The following EFCAB11 variants were observed in gnomAD, a reference collection of about 807,000 sequenced individuals.
EFCAB11 encodes the protein EF-hand calcium-binding domain-containing protein 11.
EFCAB11 carries 14 observed loss-of-function variants against 23.0 expected under a neutral mutation model. That is an observed-to-expected ratio of 0.61 (90% confidence interval 0.40 to 0.95). The LOEUF is 0.95. Ranked by LOEUF, EFCAB11 falls within the 40% of genes least tolerant of loss-of-function variation. The pLI, the probability that EFCAB11 is intolerant of heterozygous loss-of-function variation, is 0.00. For synonymous variants in EFCAB11, 65 were observed against 66.6 expected (o/e 0.98, Z 0.11); for missense variants, 198 against 195.8 (o/e 1.01, Z -0.07).
chr14:89,911,921 C>G (rs1889692562), intron 5 of EFCAB11, among the ~76,000 whole-genome samples: 2 of 152,202 alleles, frequency 1.3e-5, no homozygotes, highest in African/African-American at 2.4e-5. Context: ...CCTGTTAAGC[C>G]TCCTAACAAC....
At chr14:89,913,928 C>T (rs930950992) in intron 5 of EFCAB11, among the ~76,000 whole-genome samples, 1 of 152,194 alleles carries the variant, frequency 6.6e-6, no homozygotes, top group Non-Finnish European at 1.5e-5. Context: ...CTCTCAGAAG[C>T]ATCTTCAGGC....
intron 5 of EFCAB11, among the ~76,000 whole-genome samples, chr14:89,904,835 T>C (rs1889447338): frequency 1.3e-5 from 2 of 152,238 alleles, no homozygotes; most frequent in Non-Finnish European, 1.5e-5. Flanking sequence ...TGTTTTCTTG[T>C]AAATTTCTTT....
intron 5 of EFCAB11, chr14:89,833,232 GTAAC>G (rs1886946468): frequency 6.6e-6 from 1 of 152,150 alleles, no homozygotes. Context: ...TGTTATTAAA[GTAAC>G]TGTGGCAGGA....
intron 3 of EFCAB11, among the ~76,000 whole-genome samples, chr14:89,942,418 T>C (rs973896436): frequency 1.3e-5 from 2 of 152,218 alleles, no homozygotes; most frequent in Non-Finnish European, 1.5e-5. Context: ...CTCTATATCA[T>C]TTTGTGATTC....
chr14:89,882,932 G>A (rs371893240), intron 5 of EFCAB11, among the ~76,000 whole-genome samples: 1 of 152,158 alleles, frequency 6.6e-6, no homozygotes, highest in East Asian at 1.9e-4. Flanking sequence ...TTGAGGGTGA[G>A]TGAGTTCTTA....
intron 5 of EFCAB11, among the ~76,000 whole-genome samples, chr14:89,879,684 C>T (rs1888544064): frequency 6.6e-6 from 1 of 152,116 alleles, no homozygotes; most frequent in Admixed American, 6.6e-5. Context: ...AATTTGTAGG[C>T]TAATTTGCAC....
At chr14:89,898,997 A>C (rs1261846581) in intron 5 of EFCAB11, among the ~76,000 whole-genome samples, 2 of 152,186 alleles carry the variant, frequency 1.3e-5, no homozygotes, top group East Asian at 3.9e-4. Context: ...TATAAGTATC[A>C]TCATATGCAA....
intron 5 of EFCAB11, among the ~76,000 whole-genome samples, chr14:89,921,856 A>C (rs1300709624): frequency 6.6e-6 from 1 of 152,246 alleles, no homozygotes; most frequent in African/African-American, 2.4e-5. Flanking sequence ...TAAGTATCTC[A>C]TAAAATGTGT....
intron 5 of EFCAB11, among the ~76,000 whole-genome samples, chr14:89,885,938 C>T (rs1428471727): frequency 6.7e-6 from 1 of 148,662 alleles, no homozygotes; most frequent in Non-Finnish European, 1.5e-5. Context: ...TTTTAAAACA[C>T]AATGGGCTAA....
At chr14:89,878,699 A>G (rs1284891930) in intron 5 of EFCAB11, among the ~76,000 whole-genome samples, 1 of 152,160 alleles carries the variant, frequency 6.6e-6, no homozygotes, top group Non-Finnish European at 1.5e-5. Flanking sequence ...AGTTATTTTA[A>G]TGATTATTAT....
chr14:89,918,058 A>C (rs780605713), intron 5 of EFCAB11, among the ~76,000 whole-genome samples: 5 of 152,168 alleles, frequency 3.3e-5, no homozygotes, highest in Non-Finnish European at 7.4e-5. Context: ...AACTGGAGGT[A>C]CTTAGTTGGG....
intron 5 of EFCAB11, among the ~76,000 whole-genome samples, chr14:89,917,423 C>T (rs1188314835): frequency 1.3e-5 from 2 of 152,172 alleles, no homozygotes; most frequent in Non-Finnish European, 2.9e-5. Flanking sequence ...GGCAGGATTT[C>T]CTTCTTTTTT....
intron 3 of EFCAB11, among the ~76,000 whole-genome samples, chr14:89,943,215 T>C (rs1890852737): frequency 2.0e-5 from 3 of 151,310 alleles, no homozygotes; most frequent in Admixed American, 2.0e-4. Flanking sequence ...AATAAATAGT[T>C]CCCAGGAGGC....
intron 2 of EFCAB11, among the ~76,000 whole-genome samples, chr14:89,952,007 C>T (rs1328677766): frequency 3.3e-5 from 5 of 152,100 alleles, no homozygotes; most frequent in Admixed American, 3.3e-4. Flanking sequence ...TGCTTCATGA[C>T]CTGCAGTCAG....
At chr14:89,824,872 G>A (rs1409546735) in intron 5 of EFCAB11, among the ~76,000 whole-genome samples, 1 of 151,894 alleles carries the variant, frequency 6.6e-6, no homozygotes, top group East Asian at 1.9e-4. Context: ...AAAACATCGA[G>A]AGAACTAAAA....
At position 89,876,436 on chromosome 14, in the gene EFCAB11, G is replaced by A. The variant is rs144727060; in HGVS notation, c.410+55105C>T. 2.1e-3 allele frequency among the ~76,000 whole-genome samples: 318 copies of A among 152,164 alleles called. 1 individual carries two copies. Among genetic ancestry groups the A allele is most frequent in the African/African-American group, 7.3e-3 (304 of 41,512 alleles). ...TCCCATTTGGGTAGCTGATTAGGACGGGGGAAATTTCTATTCAAAATGTGC... is the reference window on the plus strand; with the variant it reads ...TCCCATTTGGGTAGCTGATTAGGACAGGGGAAATTTCTATTCAAAATGTGC... On this transcript the variant is annotated intron_variant, in intron 5 of 5. Coordinates refer to ENST00000316738, the MANE Select transcript of EFCAB11 (RefSeq NM_145231.4).
chr14:89,820,440 G>A (rs1036200281), intron 5 of EFCAB11, among the ~76,000 whole-genome samples: 4 of 151,344 alleles, frequency 2.6e-5, no homozygotes, highest in Non-Finnish European at 5.9e-5. Context: ...CACTCTCACC[G>A]TTGGCCTTTC....
chr14:89,891,986 C>A, intron 5 of EFCAB11: 1 of 1,482,344 alleles, frequency 6.7e-7, no homozygotes, highest in East Asian at 2.5e-5. Flanking sequence ...GGTCAAGCTG[C>A]AGCTCTGGGA....
intron 5 of EFCAB11, among the ~76,000 whole-genome samples, chr14:89,909,230 T>A (rs998491006): frequency 6.6e-6 from 1 of 152,218 alleles, no homozygotes; most frequent in Non-Finnish European, 1.5e-5. Flanking sequence ...ATAGAGGCTA[T>A]TCTTGCCACA....
Sources: allele counts gnomAD v4.1 joint callset (sites outside exome capture counted in the v4.1 genomes callset), GRCh38; gene constraint gnomAD v4.1.1; transcripts MANE v1.5; gene names NCBI Gene and HGNC (gene_info 2026-07-23, HGNC 2026-07-21).